NCKAP5: variants seen among roughly 807,000 people sequenced by gnomAD.
NCKAP5 encodes nck-associated protein 5.
NCKAP5 carries 92 observed loss-of-function variants against 167.0 expected under a neutral mutation model. That is an observed-to-expected ratio of 0.55 (90% confidence interval 0.47 to 0.66). The LOEUF (loss-of-function observed/expected upper bound fraction) is 0.66, where lower values mean the gene tolerates loss of function less well. Ranked by LOEUF, NCKAP5 falls within the 30% of genes least tolerant of loss-of-function variation. The pLI is 0.00. For missense variants in NCKAP5, 2,378 were observed against 2,315.0 expected (o/e 1.03, Z -0.56); for synonymous variants, 891 against 877.4 (o/e 1.02, Z -0.27).
At chr2:133,290,452 C>T (rs1182384504) in intron 4 of NCKAP5, among the ~76,000 whole-genome samples, 3 of 152,152 alleles carry the variant, frequency 2.0e-5, no homozygotes, top group Non-Finnish European at 4.4e-5. Context: ...ATTATTATTG[C>T]TACTGGTTAG....
intron 7 of NCKAP5, among the ~76,000 whole-genome samples, chr2:132,982,044 A>G (rs1054241093): frequency 6.6e-6 from 1 of 152,202 alleles, no homozygotes; most frequent in Non-Finnish European, 1.5e-5. Flanking sequence ...TAGGCTTACG[A>G]AAGGCATCCG....
chr2:132,776,922 G>C (rs1355526337), intron 15 of NCKAP5, among the ~76,000 whole-genome samples: 1 of 152,170 alleles, frequency 6.6e-6, no homozygotes, highest in Non-Finnish European at 1.5e-5. Context: ...GTCTCCATGT[G>C]GGAAAGCACT....
At chr2:133,319,223 C>T (rs1412614317) in intron 3 of NCKAP5, among the ~76,000 whole-genome samples, 1 of 129,714 alleles carries the variant, frequency 7.7e-6, no homozygotes, top group African/African-American at 2.9e-5. Flanking sequence ...GAATTACTAT[C>T]AGCATTGATG....
In NCKAP5 at chr2:132,782,481, T is replaced by C; in HGVS notation, c.4330A>G (p.Lys1444Glu). Residue 1444 changes from lysine (K) to glutamate (E), a missense_variant, in exon 14 of 20, where the codon AAG (lysine) becomes GAG (glutamate). This residue lies in a region of NCKAP5 where 1,325 missense variants were observed against 1,274.5 expected (regional missense o/e 1.04). Transcript: ENST00000409261. ...PSTFETSSTS[K>E]LETSGRHPDA... is the part of the protein sequence containing the mutation. ...GGATGCCTTCCAGAAGTTTCTAGCT[T>C]GGATGTACTGCTTGTTTCAAAAGTG... is the stretch of plus-strand genomic sequence containing the variant. The C allele has an allele frequency of 2.5e-6, 4 of 1,611,816 alleles. No homozygotes were observed. The highest frequency in any genetic ancestry group is 2.5e-6 in the Non-Finnish European group (3 of 1,179,000).
chr2:133,425,095 G>C (rs1240603652), intron 3 of NCKAP5, among the ~76,000 whole-genome samples: 1 of 152,192 alleles, frequency 6.6e-6, no homozygotes, highest in Non-Finnish European at 1.5e-5. Context: ...TCAAAGAGTG[G>C]AGCAGTCAGT....
intron 4 of NCKAP5, among the ~76,000 whole-genome samples, chr2:133,224,256 G>A (rs1005390751): frequency 1.3e-5 from 2 of 152,154 alleles, no homozygotes; most frequent in Non-Finnish European, 2.9e-5. Context: ...CTTAGTGGGA[G>A]GTAAGTCCCT....
intron 11 of NCKAP5, among the ~76,000 whole-genome samples, chr2:132,851,352 G>A (rs1031150587): frequency 6.6e-6 from 1 of 152,164 alleles, no homozygotes; most frequent in African/African-American, 2.4e-5. Context: ...AACTGTTCTA[G>A]TGCAGCCAGG....
chr2:133,336,798 T>C (rs1683238345), intron 3 of NCKAP5, among the ~76,000 whole-genome samples: 1 of 152,172 alleles, frequency 6.6e-6, no homozygotes, highest in South Asian at 2.1e-4. Context: ...GTTTCTCTTC[T>C]GGCTACACGG....
chr2:133,225,669 A>G (rs1417621781), intron 4 of NCKAP5, among the ~76,000 whole-genome samples: 1 of 151,278 alleles, frequency 6.6e-6, no homozygotes, highest in Non-Finnish European at 1.5e-5. Context: ...GCTAGAGTGC[A>G]GTGGTGTGAT....
At chr2:132,760,057 A>G (rs1680872009) in intron 16 of NCKAP5, among the ~76,000 whole-genome samples, 1 of 152,088 alleles carries the variant, frequency 6.6e-6, no homozygotes, top group Admixed American at 6.5e-5. Flanking sequence ...ATTTTCCTTA[A>G]CAATATAAGG....
At chr2:133,389,703 G>A (rs1381161651) in intron 3 of NCKAP5, among the ~76,000 whole-genome samples, 9 of 152,198 alleles carry the variant, frequency 5.9e-5, no homozygotes. Context: ...TAATTACGAA[G>A]TATAATCTTG....
chr2:132,920,773 A>ATG (rs1175958033), intron 8 of NCKAP5, among the ~76,000 whole-genome samples: 200 of 3,832 alleles, frequency 0.052, 25 homozygotes, highest in African/African-American at 0.088. Flanking sequence ...ATATGTATGT[A>ATG]TATATATATA....
At chr2:132,941,942 T>C (rs1697331927) in intron 8 of NCKAP5, among the ~76,000 whole-genome samples, 1 of 152,214 alleles carries the variant, frequency 6.6e-6, no homozygotes. Context: ...AAAAATATTT[T>C]AGCATCTTAC....
At chr2:132,856,175 C>T (rs1689453654) in intron 11 of NCKAP5, among the ~76,000 whole-genome samples, 1 of 152,188 alleles carries the variant, frequency 6.6e-6, no homozygotes, top group Non-Finnish European at 1.5e-5. Context: ...CCCTGGCTGG[C>T]CCCTTGCTGG....
chr2:132,887,021 T>C (rs529241833), intron 8 of NCKAP5, among the ~76,000 whole-genome samples: 2 of 152,328 alleles, frequency 1.3e-5, no homozygotes, highest in Admixed American at 1.3e-4. Context: ...TCAATTTGTA[T>C]GTTAAATTTG....
chr2:133,513,757 C>CT (rs554805467), intron 3 of NCKAP5, among the ~76,000 whole-genome samples: 263 of 152,218 alleles, frequency 1.7e-3, no homozygotes, highest in Non-Finnish European at 3.4e-3. Context: ...TTTTTTCTTC[C>CT]TTTTGTGGGG....
At chr2:133,426,407 A>G (rs942194932) in intron 3 of NCKAP5, among the ~76,000 whole-genome samples, 1 of 151,554 alleles carries the variant, frequency 6.6e-6, no homozygotes, top group African/African-American at 2.4e-5. Context: ...TAGAAAATAA[A>G]TGCATTACAC....
At chr2:133,602,766 A>AC in the NCKAP5 span, among the ~76,000 whole-genome samples, 7 of 152,178 alleles carry the variant, frequency 4.6e-5, no homozygotes, top group Non-Finnish European at 7.3e-5. Context: ...TGGTTTGTCA[A>AC]CCCCCGGGTT....
At chr2:133,396,743 G>A (rs1687753130) in intron 3 of NCKAP5, among the ~76,000 whole-genome samples, 1 of 152,112 alleles carries the variant, frequency 6.6e-6, no homozygotes, top group Non-Finnish European at 1.5e-5. Flanking sequence ...CATATTCTGA[G>A]GTTTAGGGGT....
Sources: allele counts gnomAD v4.1 joint callset (sites outside exome capture counted in the v4.1 genomes callset), GRCh38; gene constraint gnomAD v4.1.1; regional missense constraint gnomAD v4.1.1; transcripts MANE v1.5; gene names NCBI Gene and HGNC (gene_info 2026-07-23, HGNC 2026-07-21).